The following ARHGAP29 variants were observed in gnomAD, a reference collection of about 807,000 sequenced individuals.
ARHGAP29 encodes the protein Rho GTPase activating protein 29.
Under a neutral mutation model 122.6 loss-of-function variants are expected in ARHGAP29, and 43 were observed. The ratio of observed to expected loss-of-function variants is 0.35; its 90% CI spans 0.27 to 0.45. The LOEUF is 0.45. ARHGAP29 is among the 20% of genes least tolerant of loss of function. The pLI, the probability that ARHGAP29 is intolerant of heterozygous loss-of-function variation, is 1.00. For synonymous variants in ARHGAP29, 506 were observed against 497.1 expected, an observed-to-expected ratio of 1.02 and a Z score of -0.24; for missense variants, 1,303 against 1,477.2, an observed-to-expected ratio of 0.88 and a Z score of 1.93.
chr1:94,294,170 TG>T, the ARHGAP29 span, among the ~76,000 whole-genome samples: 1 of 152,268 alleles, frequency 6.6e-6, no homozygotes, highest in East Asian at 1.9e-4. Context: ...GAGTGTGGAA[TG>T]GATAATATTA....
chr1:94,252,250 T>A (rs544273970), intron 1 of ARHGAP29, among the ~76,000 whole-genome samples: 29 of 152,332 alleles, frequency 1.9e-4, no homozygotes, highest in African/African-American at 7.0e-4. Context: ...AACTCAAGAA[T>A]CTTACATTAT....
chr1:94,290,077 T>C, the ARHGAP29 span, among the ~76,000 whole-genome samples: 3 of 152,220 alleles, frequency 2.0e-5, no homozygotes, highest in Non-Finnish European at 4.4e-5. Context: ...TACCTGCTCC[T>C]CTTTGTACCT....
chr1:94,203,900 T>C (rs199798709), intron 8 of ARHGAP29, 30 bp downstream of exon 8: 428 of 1,601,632 alleles, frequency 2.7e-4, no homozygotes, highest in Middle Eastern at 2.0e-3. Flanking sequence ...TTTCTTATTA[T>C]AGAACCCCCG....
upstream of ARHGAP29, among the ~76,000 whole-genome samples, chr1:94,239,939 C>T (rs569655696): frequency 6.6e-6 from 1 of 152,270 alleles, no homozygotes; most frequent in African/African-American, 2.4e-5. Flanking sequence ...CTCCTTCAAA[C>T]CCCACTGGAG....
chr1:94,205,499 T>C (rs1159364244), intron 6 of ARHGAP29, 136 bp downstream of exon 6: 2 of 800,124 alleles, frequency 2.5e-6, no homozygotes, highest in Non-Finnish European at 4.0e-6. Context: ...TTAAGCTCTA[T>C]ATGTAAAACT....
intron 2 of ARHGAP29, 94 bp downstream of exon 2, chr1:94,231,313 C>G: frequency 5.0e-6 from 5 of 996,244 alleles, no homozygotes; most frequent in Non-Finnish European, 7.6e-6. Context: ...GCAGAATACC[C>G]TGTTCCTACC....
In ARHGAP29 at chr1:94,172,117, C is replaced by G. The variant is rs926968879; in HGVS notation, c.*1752G>C. 1.3e-5 allele frequency: 2 copies of G among 152,096 alleles called. No individual in the cohort carries two copies. Among genetic ancestry groups the G allele is most frequent in the Admixed American group, 6.5e-5 (1 of 15,274 alleles). The allele number at this position is 152,096 out of a possible 1,614,324, so 9.4% of individuals were successfully genotyped here. A position where few individuals can be genotyped will look rare whatever the true frequency, so the allele number is the denominator to read the frequency against. The stretch of plus-strand genomic sequence containing the variant: ...CACTAACCATCAAAATCTGACAGCC[C>G]TATGTTTGAGATTTGACTCCACCTG... On this transcript the variant is annotated 3_prime_UTR_variant, in exon 23 of 23. Coordinates refer to ENST00000260526, the MANE Select transcript of ARHGAP29 (RefSeq NM_004815.4).
At chr1:94,183,100 T>C (rs1013490893) in intron 19 of ARHGAP29, among the ~76,000 whole-genome samples, 2 of 152,226 alleles carry the variant, frequency 1.3e-5, no homozygotes, top group East Asian at 1.9e-4. Flanking sequence ...CTTGAGATGA[T>C]GGATGGGCTA....
chr1:94,273,479 T>A (rs1468056435), intron 1 of ARHGAP29, among the ~76,000 whole-genome samples: 1 of 152,210 alleles, frequency 6.6e-6, no homozygotes, highest in Admixed American at 6.5e-5. Flanking sequence ...AAAAACCATT[T>A]GATATTTTCA....
chr1:94,207,817 GT>G (rs1395640236), intron 5 of ARHGAP29, among the ~76,000 whole-genome samples: 7 of 151,626 alleles, frequency 4.6e-5, no homozygotes, highest in Admixed American at 4.6e-4. Context: ...TCCCTGGCAC[GT>G]TTCCAAATAT....
intron 12 of ARHGAP29, among the ~76,000 whole-genome samples, chr1:94,201,246 T>C (rs890198843): frequency 1.3e-5 from 2 of 152,160 alleles, no homozygotes; most frequent in Admixed American, 1.3e-4. Context: ...CAGACTTCAA[T>C]TTTAACCAAA....
upstream of ARHGAP29, among the ~76,000 whole-genome samples, chr1:94,276,253 G>C (rs1655183931): frequency 6.7e-6 from 1 of 150,328 alleles, no homozygotes; most frequent in Admixed American, 6.6e-5. Flanking sequence ...GCGAGACTCT[G>C]TCTCAAAAAA....
rs1340242666 is a variant in ARHGAP29, at chr1:94,237,549, GCAGCCGCAGCCA to G, written c.-179_-168del. On this transcript the variant is annotated 5_prime_UTR_variant, in exon 1 of 23. Coordinates refer to ENST00000260526, the MANE Select transcript of ARHGAP29 (RefSeq NM_004815.4). ...GCCCGGCCAAATCTCAGCCGCAGCCGCAGCCGCAGCCACAGCCACAGGCACCACCACCACTGC... is the reference window on the plus strand; with the variant it reads ...GCCCGGCCAAATCTCAGCCGCAGCCGCAGCCACAGGCACCACCACCACTGC... The G allele has an allele frequency of 7.1e-6, 7 of 990,838 alleles. No homozygotes were observed. The East Asian group carries it at 6.7e-4, about 95-fold the overall frequency. 61.4% of individuals were successfully genotyped at this position (990,838 alleles called of 1,614,324 possible). A position where few individuals can be genotyped will look rare whatever the true frequency, so the allele number is the denominator to read the frequency against.
chr1:94,255,271 G>C (rs1482471153), intron 1 of ARHGAP29, among the ~76,000 whole-genome samples: 1 of 152,166 alleles, frequency 6.6e-6, no homozygotes, highest in African/African-American at 2.4e-5. Context: ...TGAAGACAGG[G>C]AGTGATGGCC....
In ARHGAP29 at chr1:94,205,631, T is replaced by A; in HGVS notation, c.559+4A>T. ...TGAAAAGTTATAAACACCTTGAGCATTACCTTTTTCACTGGATGAGTCCAC... is the reference window on the plus strand; with the variant it reads ...TGAAAAGTTATAAACACCTTGAGCAATACCTTTTTCACTGGATGAGTCCAC... On this transcript the variant is annotated splice_donor_region_variant and intron_variant, in intron 6 of 22. Transcript: ENST00000260526. 4.3e-6 allele frequency: 7 copies of A among 1,611,938 alleles called. No homozygotes were observed. Among genetic ancestry groups the A allele is most frequent in the Non-Finnish European group, 5.9e-6 (7 of 1,178,954 alleles).
intron 12 of ARHGAP29, among the ~76,000 whole-genome samples, chr1:94,199,651 A>C (rs988491264): frequency 1.2e-4 from 19 of 152,110 alleles, no homozygotes; most frequent in Admixed American, 1.0e-3. Context: ...GGTACCAAAC[A>C]ACGGGAGACC....
At chr1:94,232,857 T>C (rs1315537098) in intron 1 of ARHGAP29, among the ~76,000 whole-genome samples, 1 of 152,078 alleles carries the variant, frequency 6.6e-6, no homozygotes, top group Non-Finnish European at 1.5e-5. Context: ...AAGTATTTTG[T>C]CTTGAATATT....
chr1:94,276,438 ATT>A (rs71094288), upstream of ARHGAP29, among the ~76,000 whole-genome samples: 35 of 146,924 alleles, frequency 2.4e-4, no homozygotes, highest in East Asian at 1.0e-3. Context: ...TGGTTTTTAG[ATT>A]TTTTTTTTTT....
At chr1:94,238,053 ATTTTTTTTTT>A (rs71717670), upstream of ARHGAP29, among the ~76,000 whole-genome samples, 332 of 61,076 alleles carry the variant, frequency 5.4e-3, 5 homozygotes, top group African/African-American at 0.022. Context: ...GCCTATCTGT[ATTTTTTTTTT>A]TTTTTTTTTT....
Sources: gnomAD v4.1 joint callset for allele counts (sites outside exome capture counted in the v4.1 genomes callset) on GRCh38, gnomAD v4.1.1 for gene constraint, MANE v1.5 for transcripts, NCBI Gene and HGNC (gene_info 2026-07-23, HGNC 2026-07-21) for gene names.